The following AKAP6 variants were observed in gnomAD, a reference collection of about 807,000 sequenced individuals.
AKAP6 encodes the protein A-kinase anchoring protein 6, also known as A-kinase anchor protein 6.
AKAP6 carries 58 observed loss-of-function variants against 188.5 expected under a neutral mutation model. The ratio of observed to expected loss-of-function variants is 0.31; its 90% CI spans 0.25 to 0.38. The LOEUF (loss-of-function observed/expected upper bound fraction) is 0.38, where lower values mean the gene tolerates loss of function less well. Ranked by LOEUF, AKAP6 falls within the 10% of genes least tolerant of loss-of-function variation. The probability of loss-of-function intolerance (pLI) is 1.00; values close to 1 mark genes in which losing one functional copy is unlikely to be tolerated. For missense variants in AKAP6, 2,710 were observed against 2,740.0 expected, an observed-to-expected ratio of 0.99 and a Z score of 0.24; for synonymous variants, 989 against 998.6, an observed-to-expected ratio of 0.99 and a Z score of 0.18.
chr14:32,724,584 T>C (rs7143065), intron 9 of AKAP6, among the ~76,000 whole-genome samples: 150,445 of 152,304 alleles, frequency 0.99, 74,331 homozygotes, highest in Middle Eastern at 1. Flanking sequence ...TGAATTTCTA[T>C]ACAAGTTGAC....
intron 12 of AKAP6, among the ~76,000 whole-genome samples, chr14:32,782,936 C>T (rs1169055684): frequency 6.6e-6 from 1 of 151,374 alleles, no homozygotes; most frequent in Admixed American, 6.6e-5. Flanking sequence ...ATGCAAAGGA[C>T]ATAGAATACC....
At chr14:32,528,962 G>A in intron 2 of AKAP6, among the ~76,000 whole-genome samples, 1 of 152,180 alleles carries the variant, frequency 6.6e-6, no homozygotes, top group Non-Finnish European at 1.5e-5. Flanking sequence ...ACAGGTGTGA[G>A]CCACCGTGCC....
chr14:32,487,407 T>G (rs1029230453), intron 2 of AKAP6, among the ~76,000 whole-genome samples: 2 of 152,236 alleles, frequency 1.3e-5, no homozygotes, highest in Non-Finnish European at 2.9e-5. Context: ...ATTTATGTTT[T>G]TCTCTAAATT....
intron 11 of AKAP6, among the ~76,000 whole-genome samples, chr14:32,742,822 AG>A (rs967170081): frequency 2.6e-5 from 4 of 152,100 alleles, no homozygotes; most frequent in African/African-American, 9.7e-5. Context: ...CCATGTGTTG[AG>A]GAAAAAAATG....
chr14:32,532,058 C>T (rs1882442340), intron 2 of AKAP6, among the ~76,000 whole-genome samples: 1 of 152,176 alleles, frequency 6.6e-6, no homozygotes, highest in Non-Finnish European at 1.5e-5. Flanking sequence ...TAAGAAACTG[C>T]TAACCTGTTT....
intron 12 of AKAP6, among the ~76,000 whole-genome samples, chr14:32,798,916 G>A (rs1043816308): frequency 1.3e-5 from 2 of 152,124 alleles, no homozygotes; most frequent in African/African-American, 4.8e-5. Context: ...ATAGGTAATG[G>A]GAGGTTTAAA....
chr14:32,570,788 T>A (rs116333933), intron 4 of AKAP6, among the ~76,000 whole-genome samples: 241 of 152,350 alleles, frequency 1.6e-3, no homozygotes, highest in African/African-American at 5.6e-3. Flanking sequence ...CACACTGGCT[T>A]ATGAGAAGCA....
intron 12 of AKAP6, 32 bp from the exon 13 acceptor site, chr14:32,821,367 ATTC>A (rs2034513233): frequency 3.3e-6 from 5 of 1,535,156 alleles, no homozygotes; most frequent in African/African-American, 1.4e-5. Flanking sequence ...GTGTTCCCTA[ATTC>A]TTCTCCTTTT....
intron 2 of AKAP6, among the ~76,000 whole-genome samples, chr14:32,451,802 G>A (rs1227063024): frequency 1.3e-5 from 2 of 151,742 alleles, no homozygotes; most frequent in Non-Finnish European, 2.9e-5. Context: ...AGTCACACTA[G>A]CCACCTTTTA....
chr14:32,707,785 G>A (rs1387379918), intron 9 of AKAP6, among the ~76,000 whole-genome samples: 2 of 152,060 alleles, frequency 1.3e-5, no homozygotes, highest in African/African-American at 2.4e-5. Flanking sequence ...ATAATTGAAT[G>A]TAAAACTTTA....
chr14:32,467,030 G>A (rs1370283378), intron 2 of AKAP6, among the ~76,000 whole-genome samples: 1 of 150,966 alleles, frequency 6.6e-6, no homozygotes, highest in African/African-American at 2.4e-5. Context: ...GAAAACAATA[G>A]ACACCAGAGC....
chr14:32,402,646 A>G (rs973111090), intron 1 of AKAP6, among the ~76,000 whole-genome samples: 5 of 152,018 alleles, frequency 3.3e-5, no homozygotes, highest in African/African-American at 1.2e-4. Flanking sequence ...ATTATATAAT[A>G]TCTTTTCTTG....
rs768692478 is a variant in AKAP6 at position 32,837,133 on chromosome 14, TC to T, written c.*7329del. ...CCATTGCTCTTTCTCCCTTCTTTAT[TC>T]ATTTTATATGGGGACGTTTGACTAG... On this transcript the variant is annotated 3_prime_UTR_variant, in exon 14 of 14. Coordinates refer to ENST00000280979, the MANE Select transcript of AKAP6 (RefSeq NM_004274.5). The T allele has an allele frequency of 3.3e-5, 5 of 152,208 alleles. No individual in the cohort carries two copies. The highest frequency in any genetic ancestry group is 5.9e-5 in the Non-Finnish European group (4 of 68,032). The allele number at this position is 152,208 out of a possible 1,614,324, so 9.4% of individuals were successfully genotyped here. A position where few individuals can be genotyped will look rare whatever the true frequency, so the allele number is the denominator to read the frequency against.
At chr14:32,629,097 CTG>C (rs1274734152) in intron 7 of AKAP6, among the ~76,000 whole-genome samples, 3 of 152,062 alleles carry the variant, frequency 2.0e-5, no homozygotes, top group South Asian at 4.1e-4. Context: ...AATTTTACCT[CTG>C]TGAGCCAACA....
At chr14:32,352,145 G>A (rs1311754655) in intron 1 of AKAP6, among the ~76,000 whole-genome samples, 1 of 147,610 alleles carries the variant, frequency 6.8e-6, no homozygotes, top group East Asian at 2.0e-4. Context: ...GAAGGGGGTG[G>A]GTGTCTAGGC....
At chr14:32,396,850 T>C (rs934249096) in intron 1 of AKAP6, among the ~76,000 whole-genome samples, 5 of 152,190 alleles carry the variant, frequency 3.3e-5, no homozygotes, top group African/African-American at 1.2e-4. Flanking sequence ...TCCAGTTACA[T>C]GAGTCAATAA....
rs1012351810 is a variant in AKAP6 at position 32,694,234 on chromosome 14, G to A, written c.2880-1756G>A. 5.3e-5 allele frequency among the ~76,000 whole-genome samples: 8 copies of A among 152,004 alleles called. No individual in the cohort carries two copies. In the East Asian group the frequency reaches 5.8e-4, roughly 11 times the overall value. Reference sequence around the variant, plus strand: ...AAATTAGCCGAGCGTGGTGGTGGGCGCCTGTAGTCCCAGCTACTCGGGAGG... The same window carrying A: ...AAATTAGCCGAGCGTGGTGGTGGGCACCTGTAGTCCCAGCTACTCGGGAGG... On this transcript the variant is annotated intron_variant, in intron 8 of 13. Transcript: ENST00000280979.
chr14:32,601,291 T>G (rs553863707), intron 7 of AKAP6, among the ~76,000 whole-genome samples: 6 of 152,304 alleles, frequency 3.9e-5, no homozygotes, highest in African/African-American at 1.4e-4. Flanking sequence ...GTCATTGTAG[T>G]GGGAAGAAGG....
chr14:32,766,073 T>C (rs1222876957), intron 11 of AKAP6, among the ~76,000 whole-genome samples: 1 of 152,196 alleles, frequency 6.6e-6, no homozygotes, highest in Non-Finnish European at 1.5e-5. Flanking sequence ...TCTATGTATT[T>C]GCCTATTCTG....
Sources: allele counts gnomAD v4.1 joint callset (sites outside exome capture counted in the v4.1 genomes callset), GRCh38; gene constraint gnomAD v4.1.1; transcripts MANE v1.5; gene names NCBI Gene and HGNC (gene_info 2026-07-23, HGNC 2026-07-21).